MAPRE3: variants seen among roughly 807,000 people sequenced by gnomAD.
The protein encoded by MAPRE3 is microtubule associated protein RP/EB family member 3, also known as microtubule-associated protein RP/EB family member 3.
A neutral mutation model predicts 30.5 loss-of-function variants in MAPRE3; 2 were observed. The observed-to-expected ratio is 0.07, with a 90% CI of 0.03 to 0.21. The LOEUF (loss-of-function observed/expected upper bound fraction) is 0.21. Ranked by LOEUF, MAPRE3 falls within the 10% of genes least tolerant of loss-of-function variation. The pLI is 1.00. For missense variants in MAPRE3, 204 were observed against 351.8 expected, an observed-to-expected ratio of 0.58 and a Z score of 3.36; for synonymous variants, 110 against 127.7, an observed-to-expected ratio of 0.86 and a Z score of 0.93.
intron 1 of MAPRE3, among the ~76,000 whole-genome samples, chr2:26,999,536 T>C (rs1423659757): frequency 7.3e-6 from 1 of 137,284 alleles, no homozygotes; most frequent in Non-Finnish European, 1.5e-5. Context: ...TTCGCTGTTG[T>C]CACCCAGGCT....
chr2:27,006,438 T>C (rs1271148905), intron 1 of MAPRE3, among the ~76,000 whole-genome samples: 2 of 152,190 alleles, frequency 1.3e-5, no homozygotes, highest in African/African-American at 4.8e-5. Context: ...TTTATTTTGT[T>C]TTTCTCTTCA....
chr2:26,984,034 G>A (rs1223736052), intron 1 of MAPRE3, among the ~76,000 whole-genome samples: 2 of 152,170 alleles, frequency 1.3e-5, no homozygotes, highest in African/African-American at 4.8e-5. Context: ...AAGAACACTC[G>A]AGAATTTTTG....
At chr2:27,018,500 A>C (rs1667036253) in intron 1 of MAPRE3, among the ~76,000 whole-genome samples, 1 of 152,172 alleles carries the variant, frequency 6.6e-6, no homozygotes, top group Non-Finnish European at 1.5e-5. Flanking sequence ...TGTTTCTAGC[A>C]CACTTTGGGG....
rs139026658 is a variant in MAPRE3, at chr2:26,985,407, T to G, written c.-8+14605T>G. Among the ~76,000 whole-genome samples, 1,274 of 152,322 alleles carry G rather than the reference T, an allele frequency of 8.4e-3. 18 individuals carry two copies. Among genetic ancestry groups the G allele is most frequent in the African/African-American group, 0.03 (1,238 of 41,566 alleles). On this transcript the variant is annotated intron_variant, in intron 1 of 6. Transcript: ENST00000233121. The surrounding 1 kb of genome is among the most constrained non-coding windows in gnomAD (Gnocchi z 4.2). The stretch of plus-strand genomic sequence containing the variant: ...GCATTCTGGCAGCATAGATCTGAGT[T>G]GGTGAAGCTATTCCTATAGCAGTAA...
chr2:27,024,377 C>T lies in MAPRE3; in HGVS notation c.469+80C>T, dbSNP rs369069256. 786 of 1,305,328 alleles carry T rather than the reference C, an allele frequency of 6.0e-4. 12 individuals carry two copies. The South Asian group carries it at 9.6e-3, about 16-fold the overall frequency. The allele number at this position is 1,305,328 out of a possible 1,614,324, so 80.9% of individuals were successfully genotyped here. Reference sequence around the variant, plus strand: ...ATAGCCAGGAGTGCCCCCTGGGCCACGGCCCGGCCCTGCCAGCCTGGAGGA... The same window carrying T: ...ATAGCCAGGAGTGCCCCCTGGGCCATGGCCCGGCCCTGCCAGCCTGGAGGA... On this transcript the variant is annotated intron_variant, in intron 4 of 6. Coordinates refer to ENST00000233121, the MANE Select transcript of MAPRE3 (RefSeq NM_012326.4).
chr2:27,006,219 G>C (rs1666724783), intron 1 of MAPRE3, among the ~76,000 whole-genome samples: 1 of 152,030 alleles, frequency 6.6e-6, no homozygotes, highest in South Asian at 2.1e-4. Flanking sequence ...AAAAAAACAA[G>C]TGTGTGGAAG....
chr2:26,991,576 G>A (rs942833274), intron 1 of MAPRE3, among the ~76,000 whole-genome samples: 3 of 152,168 alleles, frequency 2.0e-5, no homozygotes, highest in African/African-American at 7.2e-5. Flanking sequence ...CCCCGAGGTA[G>A]TCCCTACTCT....
At chr2:26,978,264 G>A (rs1666051467) in intron 1 of MAPRE3, among the ~76,000 whole-genome samples, 1 of 152,168 alleles carries the variant, frequency 6.6e-6, no homozygotes, top group Non-Finnish European at 1.5e-5. Flanking sequence ...ATCATAGTTG[G>A]GTCTAAGGTG....
chr2:26,978,329 T>G (rs1263441824), intron 1 of MAPRE3, among the ~76,000 whole-genome samples: 1 of 152,194 alleles, frequency 6.6e-6, no homozygotes, highest in Non-Finnish European at 1.5e-5. Context: ...ATTAGATACC[T>G]TTCCCATGTG....
At chr2:26,979,796 G>A (rs967192573) in intron 1 of MAPRE3, among the ~76,000 whole-genome samples, 1 of 152,188 alleles carries the variant, frequency 6.6e-6, no homozygotes, top group South Asian at 2.1e-4. Flanking sequence ...TGAGTTTGGA[G>A]AATATTGGTG....
chr2:27,000,415 A>G (rs529324515), intron 1 of MAPRE3, among the ~76,000 whole-genome samples: 4 of 152,330 alleles, frequency 2.6e-5, no homozygotes, highest in African/African-American at 9.6e-5. Context: ...GTTCTCCATT[A>G]TGACCCGATG....
In MAPRE3 at chr2:27,026,503, G is replaced by T. The variant is rs767404260; in HGVS notation, c.*155G>T. ...AGGCGAGGGGGGCTTGGGGGCATGGGGCCGGAAAGCAGGCAGAAGCCCGTC... is the reference window on the plus strand; with the variant it reads ...AGGCGAGGGGGGCTTGGGGGCATGGTGCCGGAAAGCAGGCAGAAGCCCGTC... On this transcript the variant is annotated 3_prime_UTR_variant, in exon 7 of 7. Coordinates refer to ENST00000233121, the MANE Select transcript of MAPRE3 (RefSeq NM_012326.4). 7.4e-5 allele frequency: 47 copies of T among 632,528 alleles called. No individual in the cohort carries two copies. The highest frequency in any genetic ancestry group is 1.2e-4 in the Non-Finnish European group (47 of 378,344). 39.2% of individuals were successfully genotyped at this position (632,528 alleles called of 1,614,324 possible).
At chr2:27,022,916 G>C (rs1667140299) in intron 2 of MAPRE3, 2 of 169,364 alleles carry the variant, frequency 1.2e-5, no homozygotes, top group Admixed American at 5.5e-5. Flanking sequence ...AGGAGGAGCG[G>C]GGAGCTGAGA....
chr2:27,018,376 C>T (rs563220313), intron 1 of MAPRE3, among the ~76,000 whole-genome samples: 14 of 152,304 alleles, frequency 9.2e-5, no homozygotes, highest in Non-Finnish European at 1.5e-4. Flanking sequence ...CCTGGCCGTC[C>T]TCTGCACCCT....
chr2:26,993,076 T>A (rs990074408), intron 1 of MAPRE3, among the ~76,000 whole-genome samples: 4 of 152,066 alleles, frequency 2.6e-5, no homozygotes, highest in Non-Finnish European at 5.9e-5. Flanking sequence ...GGTAAAATAT[T>A]AGGACGTTAT....
intron 1 of MAPRE3, among the ~76,000 whole-genome samples, chr2:26,995,780 GGTGTGTGTGTGTGT>G (rs1276648645): frequency 1.9e-4 from 21 of 109,634 alleles, no homozygotes; most frequent in African/African-American, 4.2e-4. Flanking sequence ...TTCTAAGAGA[GGTGTGTGTGTGTGT>G]GTGTGTGTGT....
intron 1 of MAPRE3, among the ~76,000 whole-genome samples, chr2:27,010,493 G>C (rs1191917100): frequency 2.7e-5 from 4 of 147,714 alleles, no homozygotes; most frequent in Non-Finnish European, 4.5e-5. Context: ...CCCAGGCTGG[G>C]GTGCAGTGGT....
In MAPRE3 at chr2:27,027,191, A is replaced by G. The variant is rs1326612488; in HGVS notation, c.*843A>G. 2.6e-5 allele frequency: 4 copies of G among 152,418 alleles called. No individual in the cohort carries two copies. The highest frequency in any genetic ancestry group is 4.4e-5 in the Non-Finnish European group (3 of 68,158). The allele number at this position is 152,418 out of a possible 1,614,324, so 9.4% of individuals were successfully genotyped here. ...TTTATTTAAATAAACTTGTGTGGTA[A>G]AAGTACATGCCATGTGTCCCTCAAC... is the stretch of plus-strand genomic sequence containing the variant. On this transcript the variant is annotated 3_prime_UTR_variant, in exon 7 of 7. Coordinates refer to ENST00000233121, the MANE Select transcript of MAPRE3 (RefSeq NM_012326.4).
At chr2:26,983,123 C>T (rs1197691648) in intron 1 of MAPRE3, among the ~76,000 whole-genome samples, 1 of 152,170 alleles carries the variant, frequency 6.6e-6, no homozygotes, top group African/African-American at 2.4e-5. Flanking sequence ...CAGAGTTAAG[C>T]TTCCAGTAAG....
Sources: allele counts gnomAD v4.1 joint callset (sites outside exome capture counted in the v4.1 genomes callset), GRCh38; gene constraint gnomAD v4.1.1; non-coding constraint Gnocchi (gnomAD v3.1); transcripts MANE v1.5; gene names NCBI Gene and HGNC (gene_info 2026-07-23, HGNC 2026-07-21).